INTS1: variants seen among roughly 807,000 people sequenced by gnomAD.
INTS1 encodes the protein integrator complex subunit 1.
A neutral mutation model predicts 241.6 loss-of-function variants in INTS1; 137 were observed. The observed-to-expected ratio is 0.57, with a 90% CI of 0.49 to 0.65. The LOEUF (loss-of-function observed/expected upper bound fraction) is 0.65, where lower values mean the gene tolerates loss of function less well. INTS1 is among the 30% of genes least tolerant of loss of function. The pLI, the probability that INTS1 is intolerant of heterozygous loss-of-function variation, is 0.00. For missense variants in INTS1, 3,073 were observed against 3,032.2 expected (o/e 1.01, Z -0.32); for synonymous variants, 1,692 against 1,337.8 (o/e 1.26, Z -5.78).
intron 41 of INTS1, 52 bp from the exon 42 acceptor site, chr7:1,473,745 C>G: frequency 6.2e-7 from 1 of 1,607,402 alleles, no homozygotes; most frequent in South Asian, 1.1e-5. Context: ...AGGGCCAAAA[C>G]AGAGCCTGTG....
At chr7:1,492,354 T>C (rs946487286) in intron 16 of INTS1, among the ~76,000 whole-genome samples, 1 of 152,102 alleles carries the variant, frequency 6.6e-6, no homozygotes, top group Admixed American at 6.5e-5. Context: ...GATCATGCAC[T>C]GTAGGATGCC....
At chr7:1,501,732 G>A (rs1056376939) in intron 3 of INTS1, among the ~76,000 whole-genome samples, 1 of 152,148 alleles carries the variant, frequency 6.6e-6, no homozygotes, top group Admixed American at 6.5e-5. Flanking sequence ...GAGGTCTGAG[G>A]CTCGACCTCC....
intron 18 of INTS1, 84 bp from the exon 19 acceptor site, chr7:1,488,041 A>G (rs1442186666): frequency 4.9e-6 from 7 of 1,433,196 alleles, no homozygotes; most frequent in Middle Eastern, 3.6e-4. Context: ...CAAGGAGGGT[A>G]AAACCCCTAC....
chr7:1,471,561 T>A lies in INTS1; in HGVS notation c.6255+10A>T, dbSNP rs1185606971. On this transcript the variant is annotated intron_variant, in intron 45 of 47. Transcript: ENST00000404767. Reference sequence around the variant, plus strand: ...TCCTCCCAGCTCTCCCTCAGCCCCATCCAGCTCACCGAGAAGAAGCTCAGG... The same window carrying A: ...TCCTCCCAGCTCTCCCTCAGCCCCAACCAGCTCACCGAGAAGAAGCTCAGG... The A allele has an allele frequency of 1.2e-6, 2 of 1,611,800 alleles. No homozygotes were observed. Among genetic ancestry groups the A allele is most frequent in the East Asian group, 4.5e-5 (2 of 44,856 alleles).
chr7:1,476,290 C>T lies in INTS1; in HGVS notation c.5317G>A (p.Asp1773Asn), dbSNP rs200824374. ...PLLLSCCCGD[D>N]ESVRKVTEHL... is the part of the protein sequence containing the mutation. ...TCCGTCACCTTCCTGACACTCTCAT[C>T]GTCCCCACAGCAGCAGCTGAGCAGC... The change falls in exon 38 of 48, where the codon GAT (aspartate) becomes AAT (asparagine). Residue 1773 changes from aspartate (D) to asparagine (N), a missense_variant. Asp to Asn is a conservative substitution (Grantham distance 23). Coordinates refer to ENST00000404767, the MANE Select transcript of INTS1 (RefSeq NM_001080453.3). The T allele has an allele frequency of 1.0e-3, 1,609 of 1,585,540 alleles. 11 individuals carry two copies. The highest frequency in any genetic ancestry group is 6.8e-4 in the Admixed American group (38 of 56,112).
chr7:1,497,165 C>A lies in INTS1; in HGVS notation c.1575G>T (p.Glu525Asp), dbSNP rs767283781. The A allele has an allele frequency of 8.1e-6, 13 of 1,608,672 alleles. No homozygotes were observed. The highest frequency in any genetic ancestry group is 2.2e-5 in the East Asian group (1 of 44,678). Residue 525 changes from glutamate to aspartate, a missense_variant, in exon 11 of 48, where the codon GAG becomes GAT. Glu to Asp is a conservative substitution (Grantham distance 45, BLOSUM62 2). Coordinates refer to ENST00000404767, the MANE Select transcript of INTS1 (RefSeq NM_001080453.3). The surrounding 1 kb of genome is among the most constrained non-coding windows in gnomAD (Gnocchi z 5.3). ...FCLGLMQERK[E>D]PQYLEMEFKE... ...TGAACTCCATCTCCAGGTACTGCGGCTCCTTGCGCTCCTGCATGAGCCCCA... is the reference window on the plus strand; with the variant it reads ...TGAACTCCATCTCCAGGTACTGCGGATCCTTGCGCTCCTGCATGAGCCCCA...
At chr7:1,502,492 G>GA (rs371927762) in intron 3 of INTS1, among the ~76,000 whole-genome samples, 330 of 152,296 alleles carry the variant, frequency 2.2e-3, no homozygotes, top group African/African-American at 7.2e-3. Flanking sequence ...AACCAGGAGG[G>GA]AAGGAGGAAC....
rs921047515 is a variant in INTS1 at position 1,487,388 on chromosome 7, G to A, written c.2578C>T (p.Leu860Phe). Residue 860 changes from leucine (L) to phenylalanine (F), a missense_variant, in exon 20 of 48, where the codon CTC becomes TTC. Transcript: ENST00000404767. ...CGGCACAAGAGGTGCCCGAGGCGGAGGGACTGGTTGAGGCTTTTCACTTGA... is the reference window on the plus strand; with the variant it reads ...CGGCACAAGAGGTGCCCGAGGCGGAAGGACTGGTTGAGGCTTTTCACTTGA... ...LDQVKSLNQS[L>F]RLGHLLCRSR... is the part of the protein sequence containing the mutation. 2.9e-5 allele frequency: 46 copies of A among 1,611,822 alleles called. No individual in the cohort carries two copies. The highest frequency in any genetic ancestry group is 3.6e-5 in the Non-Finnish European group (43 of 1,179,438).
Position 1,493,196 on chromosome 7 carries a change from C to CGGGGG in INTS1, c.2069-91_2069-90insCCCCC. The CGGGGG allele has an allele frequency of 2.1e-6, 1 of 477,076 alleles. No homozygotes were observed. Among genetic ancestry groups the CGGGGG allele is most frequent in the Non-Finnish European group, 4.0e-6 (1 of 247,082 alleles). The allele number at this position is 477,076 out of a possible 1,614,324, so 29.6% of individuals were successfully genotyped here. ...GGAACCGGCCCTGCTCGGGCCGCGT[C>CGGGGG]GGGGTGGGGTGGGGGATGCCGCAGG... On this transcript the variant is annotated intron_variant, in intron 15 of 47. Coordinates refer to ENST00000404767, the MANE Select transcript of INTS1 (RefSeq NM_001080453.3). This position sits in a 1 kb window ranked among gnomAD's most constrained non-coding sequence, Gnocchi z 5.3.
In INTS1 at chr7:1,498,813, T is replaced by C. The variant is rs751201965; in HGVS notation, c.1177A>G (p.Met393Val). 29 of 1,605,948 alleles carry C rather than the reference T, an allele frequency of 1.8e-5. No homozygotes were observed. The highest frequency in any genetic ancestry group is 2.2e-5 in the South Asian group (2 of 88,952). Reference sequence around the variant, plus strand: ...TCGGAACCGTGCGTGTTGCAGTTCATGCAGACGGACATCAGCAGGTCCTGG... The same window carrying C: ...TCGGAACCGTGCGTGTTGCAGTTCACGCAGACGGACATCAGCAGGTCCTGG... Reference protein sequence around the residue: ...PAQDLLMSVCMNCNTHGSEDM... With the variant: ...PAQDLLMSVCVNCNTHGSEDM... Residue 393 changes from methionine to valine, a missense_variant, in exon 9 of 48, where the codon ATG becomes GTG. Coordinates refer to ENST00000404767, the MANE Select transcript of INTS1 (RefSeq NM_001080453.3).
At chr7:1,470,809 G>T (rs1781426602) in intron 47 of INTS1, 37 bp downstream of exon 47, 2 of 1,525,610 alleles carry the variant, frequency 1.3e-6, no homozygotes, top group East Asian at 2.4e-5. Context: ...GCCTCCCCGA[G>T]GGCTGCCAGG....
intron 22 of INTS1, among the ~76,000 whole-genome samples, 177 bp downstream of exon 22, chr7:1,486,448 A>G (rs1221874310): frequency 1.3e-5 from 2 of 151,558 alleles, no homozygotes; most frequent in Non-Finnish European, 2.9e-5. Context: ...TATTTTTAAT[A>G]GAGACGGGAT....
intron 23 of INTS1, 31 bp from the exon 24 acceptor site, chr7:1,485,233 G>T: frequency 6.3e-7 from 1 of 1,598,200 alleles, no homozygotes; most frequent in Non-Finnish European, 8.5e-7. Flanking sequence ...AGCGGCAACA[G>T]GGCAGGGCTG....
chr7:1,488,655 G>A (rs911260294), intron 18 of INTS1, among the ~76,000 whole-genome samples: 2 of 152,212 alleles, frequency 1.3e-5, no homozygotes, highest in African/African-American at 2.4e-5. Context: ...CAATACCAGG[G>A]CCACACACAC....
At position 1,493,470 on chromosome 7, in the gene INTS1, C is replaced by T. The variant is rs528118486; in HGVS notation, c.2068+284G>A. On this transcript the variant is annotated intron_variant, in intron 15 of 47. Coordinates refer to ENST00000404767, the MANE Select transcript of INTS1 (RefSeq NM_001080453.3). The surrounding 1 kb of genome is among the most constrained non-coding windows in gnomAD (Gnocchi z 5.3). The stretch of plus-strand genomic sequence containing the variant: ...CCTGTCGCCTAAAGGAGGTGACAGA[C>T]AGGAAATCTGGCCGTGGCCAAATCA... Among the ~76,000 whole-genome samples the T allele has an allele frequency of 1.2e-4, 19 of 152,302 alleles. No individual in the cohort carries two copies. The South Asian group carries it at 3.3e-3, about 27-fold the overall frequency.
intron 16 of INTS1, among the ~76,000 whole-genome samples, chr7:1,492,018 C>T (rs1162001857): frequency 2.0e-5 from 3 of 152,198 alleles, no homozygotes; most frequent in African/African-American, 7.2e-5. Context: ...AGACTAGGAA[C>T]CGTCACTCAG....
rs780654707 is a variant in INTS1, at chr7:1,477,001, G to A, written c.4939-83C>T. On this transcript the variant is annotated intron_variant, in intron 35 of 47. Transcript: ENST00000404767. ...GAAGTCAGCTGACAGCTTCCCCAAT[G>A]AGCCACTCAGAGAGCCGAGGCTTGG... The A allele has an allele frequency of 2.1e-4, 305 of 1,487,278 alleles. 1 individual carries two copies. Among genetic ancestry groups the A allele is most frequent in the Non-Finnish European group, 2.5e-4 (276 of 1,111,440 alleles). The allele number at this position is 1,487,278 out of a possible 1,614,324, so 92.1% of individuals were successfully genotyped here.
In INTS1 at chr7:1,481,620, G is replaced by A. The variant is rs1444932363; in HGVS notation, c.3704-132C>T. 1.3e-6 allele frequency: 1 copy of A among 784,554 alleles called. No homozygotes were observed. Among genetic ancestry groups the A allele is most frequent in the Non-Finnish European group, 1.8e-6 (1 of 564,342 alleles). The allele number at this position is 784,554 out of a possible 1,614,324, so 48.6% of individuals were successfully genotyped here. A position where few individuals can be genotyped will look rare whatever the true frequency, so the allele number is the denominator to read the frequency against. On this transcript the variant is annotated intron_variant, in intron 27 of 47. Transcript: ENST00000404767. The surrounding 1 kb of genome is among the most constrained non-coding windows in gnomAD (Gnocchi z 6.8). The stretch of plus-strand genomic sequence containing the variant: ...AGACCCTGGGCCACGTGGGCTCGGT[G>A]ACCCCACCCAAGACCTGGGGCAGTG...
chr7:1,490,829 T>C (rs6463855), intron 16 of INTS1, among the ~76,000 whole-genome samples: 81,588 of 151,816 alleles, frequency 0.54, 23,688 homozygotes, highest in African/African-American at 0.77. Context: ...TCAGCCCTTA[T>C]AGAGGATGGA....
Sources: allele counts gnomAD v4.1 joint callset (sites outside exome capture counted in the v4.1 genomes callset), GRCh38; gene constraint gnomAD v4.1.1; non-coding constraint Gnocchi (gnomAD v3.1); transcripts MANE v1.5; gene names NCBI Gene and HGNC (gene_info 2026-07-23, HGNC 2026-07-21).